Variants in ELMO1 observed in about 807,000 individuals in gnomAD.
ELMO1 encodes the protein engulfment and cell motility 1.
A neutral mutation model predicts 98.9 loss-of-function variants in ELMO1; 26 were observed. That is an observed-to-expected ratio of 0.26 (90% CI 0.19 to 0.36). The LOEUF (loss-of-function observed/expected upper bound fraction) is 0.36, where lower values mean the gene tolerates loss of function less well. Among genes scored for constraint, ELMO1 ranks in the 10% least tolerant of loss-of-function variants. ELMO1 has a pLI of 1.00. For synonymous variants in ELMO1, 346 were observed against 346.0 expected (o/e 1.00, Z 0.00); for missense variants, 627 against 935.2 (o/e 0.67, Z 4.30).
intron 16 of ELMO1, among the ~76,000 whole-genome samples, chr7:36,922,614 GA>G (rs1316890279): frequency 6.6e-6 from 1 of 151,928 alleles, no homozygotes; most frequent in South Asian, 2.1e-4. Flanking sequence ...GTAAGACAAA[GA>G]AAAAAAATGA....
intron 13 of ELMO1, among the ~76,000 whole-genome samples, chr7:37,162,663 A>G (rs909558474): frequency 6.6e-6 from 1 of 152,252 alleles, no homozygotes; most frequent in South Asian, 2.1e-4. Flanking sequence ...GTAAAAATAC[A>G]GAATAAATAT....
At chr7:37,014,772 G>A (rs1402558308) in intron 15 of ELMO1, among the ~76,000 whole-genome samples, 2 of 151,888 alleles carry the variant, frequency 1.3e-5, no homozygotes, top group Admixed American at 1.3e-4. Flanking sequence ...CATCCTCAAG[G>A]CTCAGAATGG....
At position 36,914,096 on chromosome 7, in the gene ELMO1, G is replaced by A. The variant is rs1217242790; in HGVS notation, c.1438-19079C>T. Among the ~76,000 whole-genome samples the A allele has an allele frequency of 3.9e-5, 6 of 152,182 alleles. No homozygotes were observed. The East Asian group carries it at 7.7e-4, about 20-fold the overall frequency. ...CAGGAAGCTATCTTGAAAGGAGAGC[G>A]TAAGGAAAGGGTAAGGAAAGCAGTT... is the stretch of plus-strand genomic sequence containing the variant. On this transcript the variant is annotated intron_variant, in intron 16 of 21. Transcript: ENST00000310758.
chr7:37,120,775 T>C (rs568586103), intron 14 of ELMO1, among the ~76,000 whole-genome samples: 1 of 151,950 alleles, frequency 6.6e-6, no homozygotes, highest in East Asian at 1.9e-4. Flanking sequence ...TAGAAGAGAG[T>C]AGTGGTTCTC....
chr7:37,188,501 AAATAATAAT>A (rs57721398), intron 13 of ELMO1, among the ~76,000 whole-genome samples: 1 of 125,960 alleles, frequency 7.9e-6, no homozygotes, highest in Non-Finnish European at 1.6e-5. Flanking sequence ...AAAAAAAAAA[AAATAATAAT>A]AATAATAATA....
chr7:37,151,801 T>C lies in ELMO1; in HGVS notation c.1087-18567A>G, dbSNP rs1467901520. On this transcript the variant is annotated intron_variant, in intron 13 of 21. Coordinates refer to ENST00000310758, the MANE Select transcript of ELMO1 (RefSeq NM_014800.11). ...ATTAACTTTTTTCAAATGCATCGTG[T>C]GACACCCCACGATAAAGCTAACAAA... 2.6e-5 allele frequency among the ~76,000 whole-genome samples: 4 copies of C among 152,328 alleles called. No individual in the cohort carries two copies. In the East Asian group the frequency reaches 7.7e-4, roughly 29 times the overall value.
chr7:37,250,121 C>A (rs1424612931), intron 6 of ELMO1, among the ~76,000 whole-genome samples: 1 of 152,046 alleles, frequency 6.6e-6, no homozygotes, highest in Non-Finnish European at 1.5e-5. Context: ...CAGAGAAAAA[C>A]CCTAAAAACA....
intron 14 of ELMO1, among the ~76,000 whole-genome samples, chr7:37,102,888 G>A (rs576545736): frequency 2.6e-5 from 4 of 152,328 alleles, no homozygotes; most frequent in Non-Finnish European, 5.9e-5. Flanking sequence ...CTTTGAGCAG[G>A]AAAGGCCTTC....
At chr7:36,912,021 T>C (rs763266083) in intron 16 of ELMO1, among the ~76,000 whole-genome samples, 8 of 152,182 alleles carry the variant, frequency 5.3e-5, no homozygotes, top group Non-Finnish European at 8.8e-5. Flanking sequence ...ATGCAGAGAA[T>C]GTACGTCAGC....
At chr7:37,211,695 C>T (rs767690796) in intron 12 of ELMO1, among the ~76,000 whole-genome samples, 178 bp from the exon 13 acceptor site, 6 of 152,304 alleles carry the variant, frequency 3.9e-5, no homozygotes, top group Admixed American at 3.3e-4. Context: ...ACTCTTCCCC[C>T]GTCAGTCTCC....
intron 1 of ELMO1, among the ~76,000 whole-genome samples, chr7:37,391,429 T>C (rs1803073519): frequency 6.6e-6 from 1 of 152,194 alleles, no homozygotes; most frequent in Non-Finnish European, 1.5e-5. Flanking sequence ...AAGTAGTTAT[T>C]TATAAAGGCA....
chr7:37,032,593 G>A (rs1382149040), intron 15 of ELMO1, among the ~76,000 whole-genome samples: 5 of 152,160 alleles, frequency 3.3e-5, no homozygotes, highest in African/African-American at 1.2e-4. Flanking sequence ...AATACCCAAA[G>A]CCTTGGCCAA....
At chr7:36,894,291 T>C (rs1805798109) in intron 17 of ELMO1, among the ~76,000 whole-genome samples, 1 of 152,194 alleles carries the variant, frequency 6.6e-6, no homozygotes, top group Non-Finnish European at 1.5e-5. Flanking sequence ...AAGTGGGGCT[T>C]GCTGCCTCCC....
chr7:37,244,235 A>G, intron 7 of ELMO1, 121 bp downstream of exon 7: 1 of 1,061,042 alleles, frequency 9.4e-7, no homozygotes, highest in Non-Finnish European at 1.3e-6. Flanking sequence ...AAAAATAACA[A>G]AAAATCACTT....
intron 16 of ELMO1, among the ~76,000 whole-genome samples, chr7:36,943,079 G>A (rs1787184573): frequency 6.6e-6 from 1 of 152,178 alleles, no homozygotes; most frequent in Admixed American, 6.5e-5. Flanking sequence ...TACCTCAGAG[G>A]TGCTCATGGT....
intron 1 of ELMO1, among the ~76,000 whole-genome samples, chr7:37,380,175 T>C (rs1802526615): frequency 6.6e-6 from 1 of 152,218 alleles, no homozygotes; most frequent in Non-Finnish European, 1.5e-5. Context: ...ACAGACTTCC[T>C]CTTCCTGGCT....
intron 13 of ELMO1, chr7:37,204,104 C>A: frequency 2.2e-6 from 1 of 456,480 alleles, no homozygotes; most frequent in Non-Finnish European, 4.4e-6. Context: ...TCCGACGGTA[C>A]TCACCATTTG....
At chr7:37,415,073 T>C (rs544685809) in intron 1 of ELMO1, among the ~76,000 whole-genome samples, 1 of 152,318 alleles carries the variant, frequency 6.6e-6, no homozygotes, top group African/African-American at 2.4e-5. Flanking sequence ...ATACATACTT[T>C]GGGGCCTTGG....
chr7:37,213,658 G>GA (rs941552337), intron 11 of ELMO1, among the ~76,000 whole-genome samples: 8 of 152,102 alleles, frequency 5.3e-5, no homozygotes, highest in Admixed American at 6.5e-5. Context: ...CACAGGCCAT[G>GA]AAAAAACCTA....
Sources: allele counts gnomAD v4.1 joint callset (sites outside exome capture counted in the v4.1 genomes callset), GRCh38; gene constraint gnomAD v4.1.1; transcripts MANE v1.5; gene names NCBI Gene and HGNC (gene_info 2026-07-23, HGNC 2026-07-21).